The following KDM4C variants were observed in gnomAD, a reference collection of about 807,000 sequenced individuals.
KDM4C encodes the protein lysine-specific demethylase 4C.
Under a neutral mutation model 129.3 loss-of-function variants are expected in KDM4C, and 81 were observed. The ratio of observed to expected loss-of-function variants is 0.63; its 90% CI spans 0.52 to 0.75. The LOEUF is 0.75. Among genes scored for constraint, KDM4C ranks in the 30% least tolerant of loss-of-function variants. KDM4C has a pLI of 0.00. For missense variants in KDM4C, 1,457 were observed against 1,304.0 expected (o/e 1.12, Z -1.81); for synonymous variants, 573 against 456.1 (o/e 1.26, Z -3.26).
rs545519431 is a variant in KDM4C at position 7,132,616 on chromosome 9, C to A, written c.2781+4380C>A. Among the ~76,000 whole-genome samples the A allele has an allele frequency of 2.6e-5, 4 of 152,300 alleles. No individual in the cohort carries two copies. In the South Asian group the frequency reaches 8.3e-4, roughly 32 times the overall value. The stretch of plus-strand genomic sequence containing the variant: ...CATCTGTCAGTCTATGAAATTGGGA[C>A]ACACTTCTGATGAATTTTTTTGCCT... On this transcript the variant is annotated intron_variant, in intron 19 of 21. Transcript: ENST00000381309.
At chr9:6,776,499 C>T (rs1355264311) in intron 1 of KDM4C, among the ~76,000 whole-genome samples, 1 of 151,826 alleles carries the variant, frequency 6.6e-6, no homozygotes, top group Admixed American at 6.6e-5. Context: ...CTTGACCTCC[C>T]AAAGTGCTGG....
intron 1 of KDM4C, among the ~76,000 whole-genome samples, chr9:6,737,261 A>G (rs1817553196): frequency 6.6e-6 from 1 of 152,108 alleles, no homozygotes; most frequent in African/African-American, 2.4e-5. Context: ...ACAGACTGGG[A>G]AAAAATATTT....
intron 4 of KDM4C, among the ~76,000 whole-genome samples, chr9:6,817,178 G>T (rs1832254427): frequency 1.4e-5 from 2 of 143,630 alleles, no homozygotes; most frequent in Non-Finnish European, 3.0e-5. Context: ...GATGAAAGAA[G>T]ATTGGCCCCT....
chr9:6,981,856 A>G (rs1237728895), intron 9 of KDM4C: 1 of 280,660 alleles, frequency 3.6e-6, no homozygotes, highest in East Asian at 8.8e-5. Flanking sequence ...TAAAAGTAAT[A>G]TTTGTGCATT....
At chr9:7,073,420 G>A (rs989263089) in intron 17 of KDM4C, among the ~76,000 whole-genome samples, 2 of 152,188 alleles carry the variant, frequency 1.3e-5, no homozygotes, top group Admixed American at 1.3e-4. Flanking sequence ...GATAATAGTT[G>A]AAGAGCTGTG....
intron 19 of KDM4C, among the ~76,000 whole-genome samples, chr9:7,153,345 A>G (rs534717565): frequency 3.9e-5 from 6 of 152,332 alleles, no homozygotes; most frequent in African/African-American, 1.4e-4. Flanking sequence ...CCATCAGAGT[A>G]GCCCCCTTGA....
intron 4 of KDM4C, among the ~76,000 whole-genome samples, chr9:6,831,560 C>T (rs891481763): frequency 6.6e-6 from 1 of 152,062 alleles, no homozygotes; most frequent in Non-Finnish European, 1.5e-5. Context: ...CCAGGCTGGT[C>T]TCGAACTGCT....
At chr9:7,011,932 C>A in intron 13 of KDM4C, 53 bp downstream of exon 13, 3 of 1,426,382 alleles carry the variant, frequency 2.1e-6, no homozygotes, top group Non-Finnish European at 2.9e-6. Context: ...TCCATGTGAC[C>A]ACATACCACA....
chr9:7,169,395 G>T (rs1294425208), intron 20 of KDM4C, among the ~76,000 whole-genome samples: 1 of 152,132 alleles, frequency 6.6e-6, no homozygotes, highest in Non-Finnish European at 1.5e-5. Flanking sequence ...GAGTGCAGTG[G>T]TGCGATCTCA....
intron 19 of KDM4C, among the ~76,000 whole-genome samples, chr9:7,134,402 G>T (rs554766606): frequency 2.6e-5 from 4 of 152,276 alleles, no homozygotes; most frequent in Non-Finnish European, 4.4e-5. Flanking sequence ...AAACTCATTT[G>T]TTCCTTGATT....
intron 4 of KDM4C, chr9:6,835,207 G>A (rs570368697): frequency 2.2e-6 from 2 of 918,838 alleles, no homozygotes; most frequent in African/African-American, 3.3e-5. Flanking sequence ...CATCGGCAAC[G>A]AGCAGTTCTG....
intron 17 of KDM4C, among the ~76,000 whole-genome samples, chr9:7,057,430 T>G (rs909442176): frequency 2.6e-5 from 4 of 152,252 alleles, no homozygotes; most frequent in African/African-American, 9.6e-5. Context: ...TAGGTTGAGA[T>G]GGAGAGTACA....
At chr9:6,987,675 T>G (rs1459621601) in intron 11 of KDM4C, among the ~76,000 whole-genome samples, 1 of 152,198 alleles carries the variant, frequency 6.6e-6, no homozygotes, top group Non-Finnish European at 1.5e-5. Context: ...CTTATCAGTC[T>G]TAAAATGTTA....
At chr9:6,988,158 TAAAAAAAAAAAAA>T (rs60244122) in intron 11 of KDM4C, among the ~76,000 whole-genome samples, 2 of 85,338 alleles carry the variant, frequency 2.3e-5, no homozygotes, top group African/African-American at 9.2e-5. Context: ...CCCTGTCTCT[TAAAAAAAAAAAAA>T]AAAAAAAAAA....
At chr9:7,143,380 CA>C (rs768340986) in intron 19 of KDM4C, among the ~76,000 whole-genome samples, 13 of 152,308 alleles carry the variant, frequency 8.5e-5, no homozygotes, top group Non-Finnish European at 1.6e-4. Flanking sequence ...AATCAGCCTT[CA>C]AATGAAGACT....
chr9:6,792,922 C>A lies in KDM4C; in HGVS notation c.-17-50C>A, dbSNP rs761807307. The stretch of plus-strand genomic sequence containing the variant: ...TGACATACTATTTGTTAAAAATGAC[C>A]TAAAGCATATAATAATTCAGTTCTG... On this transcript the variant is annotated intron_variant, in intron 1 of 21. Coordinates refer to ENST00000381309, the MANE Select transcript of KDM4C (RefSeq NM_015061.6). The A allele has an allele frequency of 2.5e-5, 39 of 1,579,908 alleles. 1 individual carries two copies. In the South Asian group the frequency reaches 4.4e-4, roughly 18 times the overall value.
intron 15 of KDM4C, among the ~76,000 whole-genome samples, chr9:7,019,512 T>C (rs1824275205): frequency 6.6e-6 from 1 of 151,914 alleles, no homozygotes; most frequent in Admixed American, 6.6e-5. Context: ...AAAATATTCC[T>C]ATAGCATATT....
At chr9:6,754,322 C>T (rs191131624), upstream of KDM4C, among the ~76,000 whole-genome samples, 1 of 152,024 alleles carries the variant, frequency 6.6e-6, no homozygotes, top group Admixed American at 6.6e-5. Context: ...AAGTGATTCT[C>T]ATGCCTCAGC....
chr9:6,951,587 G>T (rs180823840), intron 8 of KDM4C, among the ~76,000 whole-genome samples: 3 of 152,270 alleles, frequency 2.0e-5, no homozygotes, highest in Non-Finnish European at 4.4e-5. Flanking sequence ...CTTGTAACCA[G>T]AACTGACCAT....
Sources: allele counts gnomAD v4.1 joint callset (sites outside exome capture counted in the v4.1 genomes callset), GRCh38; gene constraint gnomAD v4.1.1; transcripts MANE v1.5; gene names NCBI Gene and HGNC (gene_info 2026-07-23, HGNC 2026-07-21).